Variants in SGCD observed in about 807,000 individuals in gnomAD.
The protein encoded by SGCD is delta-sarcoglycan.
Under a neutral mutation model 36.6 loss-of-function variants are expected in SGCD, and 18 were observed. The ratio of observed to expected loss-of-function variants is 0.49; its 90% CI spans 0.34 to 0.73. The LOEUF (loss-of-function observed/expected upper bound fraction) is 0.73, where lower values mean the gene tolerates loss of function less well. Ranked by LOEUF, SGCD falls within the 30% of genes least tolerant of loss-of-function variation. The pLI is 0.01. For missense variants in SGCD, 387 were observed against 346.7 expected (o/e 1.12, Z -0.92); for synonymous variants, 133 against 130.6 (o/e 1.02, Z -0.12).
intron 3 of SGCD, among the ~76,000 whole-genome samples, chr5:156,230,361 C>T (rs1028737928): frequency 2.6e-5 from 4 of 152,142 alleles, no homozygotes; most frequent in African/African-American, 9.7e-5. Context: ...ATTCTTTTGT[C>T]CCGCGGGGTA....
At chr5:156,598,657 C>T (rs1213884297) in intron 6 of SGCD, among the ~76,000 whole-genome samples, 1 of 152,220 alleles carries the variant, frequency 6.6e-6, no homozygotes, top group Non-Finnish European at 1.5e-5. Flanking sequence ...GAATTTGGCA[C>T]TTCCTGTTAA....
At chr5:156,226,595 G>C (rs1233689627) in intron 3 of SGCD, among the ~76,000 whole-genome samples, 1 of 152,074 alleles carries the variant, frequency 6.6e-6, no homozygotes, top group African/African-American at 2.4e-5. Context: ...TAGGCAGATT[G>C]CTGGATCAAA....
intron 3 of SGCD, among the ~76,000 whole-genome samples, chr5:156,173,267 A>G (rs553527727): frequency 1.3e-5 from 2 of 152,208 alleles, no homozygotes; most frequent in African/African-American, 2.4e-5. Context: ...AAAAAATACC[A>G]CATGTGGACT....
At chr5:155,794,455 T>TA in the SGCD span, among the ~76,000 whole-genome samples, 3 of 152,048 alleles carry the variant, frequency 2.0e-5, no homozygotes, top group Non-Finnish European at 4.4e-5. Context: ...TGAAAGTGGA[T>TA]AAAAACATGG....
At chr5:155,793,537 T>C in the SGCD span, among the ~76,000 whole-genome samples, 3 of 150,822 alleles carry the variant, frequency 2.0e-5, no homozygotes, top group African/African-American at 7.3e-5. Flanking sequence ...AAAATGTCAG[T>C]TTTTTTTTCT....
At chr5:156,222,621 TG>T (rs1271900081) in intron 3 of SGCD, among the ~76,000 whole-genome samples, 1 of 152,124 alleles carries the variant, frequency 6.6e-6, no homozygotes, top group African/African-American at 2.4e-5. Flanking sequence ...TCTTTTGAAA[TG>T]GGATTTATTC....
In SGCD at chr5:156,485,535, C is replaced by T. The variant is rs111848420; in HGVS notation, c.193-23066C>T. On this transcript the variant is annotated intron_variant, in intron 3 of 8. Transcript: ENST00000337851. ...AAATTTAGCTGGGTGTGGTGGTACACGCCTGTAGTCCCAGCTACTGGGAAG... is the reference window on the plus strand; with the variant it reads ...AAATTTAGCTGGGTGTGGTGGTACATGCCTGTAGTCCCAGCTACTGGGAAG... 9.4e-3 allele frequency among the ~76,000 whole-genome samples: 1,434 copies of T among 152,080 alleles called. 13 individuals are homozygous for T. The highest frequency in any genetic ancestry group is 0.032 in the African/African-American group (1,328 of 41,478).
intron 3 of SGCD, among the ~76,000 whole-genome samples, chr5:156,158,237 A>T (rs138969993): frequency 6.6e-6 from 1 of 151,802 alleles, no homozygotes; most frequent in East Asian, 1.9e-4. Context: ...ATGCTGTCTG[A>T]GAATCCTCTT....
chr5:156,178,033 A>G (rs548082475), intron 3 of SGCD, among the ~76,000 whole-genome samples: 1 of 152,358 alleles, frequency 6.6e-6, no homozygotes, highest in African/African-American at 2.4e-5. Flanking sequence ...GTGTGATCAG[A>G]GCACTGATGT....
chr5:155,753,443 T>C, the SGCD span, among the ~76,000 whole-genome samples: 1 of 152,202 alleles, frequency 6.6e-6, no homozygotes, highest in Non-Finnish European at 1.5e-5. Flanking sequence ...TACTTCATTG[T>C]CAATCATTTA....
At chr5:156,273,620 G>T (rs900792989) in intron 3 of SGCD, among the ~76,000 whole-genome samples, 14 of 152,132 alleles carry the variant, frequency 9.2e-5, no homozygotes, top group Non-Finnish European at 1.6e-4. Flanking sequence ...TAGAAGAAAA[G>T]AATTTTTAGC....
chr5:155,978,921 A>G (rs372232407), intron 1 of SGCD, among the ~76,000 whole-genome samples: 1 of 152,096 alleles, frequency 6.6e-6, no homozygotes, highest in African/African-American at 2.4e-5. Flanking sequence ...CTACTTAAAG[A>G]TCTGGTTTTA....
intron 3 of SGCD, among the ~76,000 whole-genome samples, chr5:156,198,347 T>C (rs57509490): frequency 0.31 from 46,910 of 151,950 alleles, 7,716 homozygotes; most frequent in East Asian, 0.6. Flanking sequence ...ATAATGTGTT[T>C]TCCTTTCATT....
the SGCD span, among the ~76,000 whole-genome samples, chr5:155,729,534 T>G: frequency 6.6e-6 from 1 of 152,222 alleles, no homozygotes; most frequent in African/African-American, 2.4e-5. Context: ...GGATCCAGCC[T>G]CCGGAATGCC....
At chr5:155,964,967 G>A (rs1757874192) in intron 1 of SGCD, among the ~76,000 whole-genome samples, 1 of 152,050 alleles carries the variant, frequency 6.6e-6, no homozygotes, top group African/African-American at 2.4e-5. Flanking sequence ...TCAACCCTGG[G>A]GCATTGTACC....
At chr5:156,512,268 A>T (rs1756972706) in intron 4 of SGCD, among the ~76,000 whole-genome samples, 1 of 152,032 alleles carries the variant, frequency 6.6e-6, no homozygotes, top group Admixed American at 6.6e-5. Flanking sequence ...TTTTCAACAA[A>T]ACCATACCTT....
intron 3 of SGCD, among the ~76,000 whole-genome samples, chr5:156,482,985 C>A (rs1413239649): frequency 1.3e-5 from 2 of 151,986 alleles, no homozygotes; most frequent in Admixed American, 6.6e-5. Context: ...CAGCCTCTAG[C>A]CACCAGATGC....
chr5:156,385,708 G>A (rs1278650889), intron 3 of SGCD, among the ~76,000 whole-genome samples: 2 of 152,278 alleles, frequency 1.3e-5, no homozygotes, highest in African/African-American at 4.8e-5. Flanking sequence ...AAAGTGGGAG[G>A]GAAGGCAGAC....
At chr5:156,581,772 T>A (rs6859694) in intron 4 of SGCD, among the ~76,000 whole-genome samples, 20 of 152,054 alleles carry the variant, frequency 1.3e-4, no homozygotes, top group African/African-American at 4.8e-4. Flanking sequence ...GCTAAGACCA[T>A]TGGAAAAGTG....
Sources: allele counts gnomAD v4.1 joint callset (sites outside exome capture counted in the v4.1 genomes callset), GRCh38; gene constraint gnomAD v4.1.1; transcripts MANE v1.5; gene names NCBI Gene and HGNC (gene_info 2026-07-23, HGNC 2026-07-21).